FAM234A: variants seen among roughly 807,000 people sequenced by gnomAD.
FAM234A encodes the protein family with sequence similarity 234 member A.
FAM234A carries 42 observed loss-of-function variants against 49.1 expected under a neutral mutation model. That is an observed-to-expected ratio of 0.86 (90% CI 0.67 to 1.11). The LOEUF (loss-of-function observed/expected upper bound fraction) is 1.11. Ranked by LOEUF, FAM234A falls within the 50% of genes least tolerant of loss-of-function variation. The pLI is 0.00. For missense variants in FAM234A, 815 were observed against 745.2 expected (o/e 1.09, Z -1.09); for synonymous variants, 369 against 316.2 (o/e 1.17, Z -1.77).
At chr16:240,047 G>A (rs2050556924) in intron 1 of FAM234A, 1 of 152,194 alleles carries the variant, frequency 6.6e-6, no homozygotes, top group South Asian at 2.1e-4. Flanking sequence ...TTGCTCAGCT[G>A]AAACATCTGC....
chr16:266,296 A>T (rs142102767), downstream of FAM234A, among the ~76,000 whole-genome samples: 855 of 152,302 alleles, frequency 5.6e-3, 3 homozygotes, highest in African/African-American at 0.019. Context: ...CAATCTTGAC[A>T]TCCTCTGGGG....
downstream of FAM234A, among the ~76,000 whole-genome samples, chr16:267,651 A>G (rs2051730875): frequency 7.3e-6 from 1 of 137,880 alleles, no homozygotes; most frequent in African/African-American, 2.7e-5. Flanking sequence ...CGACACGTGC[A>G]CACACATATG....
chr16:264,931 G>A lies in FAM234A; in HGVS notation c.1568G>A (p.Ser523Asn). 6.2e-7 allele frequency: 1 copy of A among 1,613,032 alleles called. No individual in the cohort carries two copies. Among genetic ancestry groups the A allele is most frequent in the Non-Finnish European group, 8.5e-7 (1 of 1,179,850 alleles). ...AAGGTGCGGGACCTTGTCCCAAGCA[G>A]CAGGGTGGTCCGCCTGGGTGAGGGT... ...KHKVRDLVPS[S>N]RVVRLGEGGP... The change falls in exon 13 of 13, where the codon AGC becomes AAC. Residue 523 changes from serine (S) to asparagine (N), a missense_variant. Physicochemically the swap from Ser to Asn is conservative, Grantham distance 46. Transcript: ENST00000399932.
chr16:266,085 C>T lies in FAM234A; in HGVS notation c.*1063C>T. On this transcript the variant is annotated 3_prime_UTR_variant, in exon 13 of 13. Transcript: ENST00000399932. ...AGAAAGCAGAATAAACATTTTTGCA[C>T]TGCCTGAAAAACCCCGGTGGTCAGG... is the stretch of plus-strand genomic sequence containing the variant. 3.0e-6 allele frequency: 3 copies of T among 985,896 alleles called. No individual in the cohort carries two copies. The highest frequency in any genetic ancestry group is 3.6e-6 in the Non-Finnish European group (3 of 829,958). 61.1% of individuals were successfully genotyped at this position (985,896 alleles called of 1,614,324 possible). A position where few individuals can be genotyped will look rare whatever the true frequency, so the allele number is the denominator to read the frequency against.
At chr16:241,804 C>T (rs2050626076) in intron 1 of FAM234A, among the ~76,000 whole-genome samples, 1 of 150,526 alleles carries the variant, frequency 6.6e-6, no homozygotes, top group Non-Finnish European at 1.5e-5. Context: ...GTAGTCCCAG[C>T]TACTGGGGAG....
intron 1 of FAM234A, among the ~76,000 whole-genome samples, chr16:239,655 TTGCAGGAAATC>T (rs2050543940): frequency 1.3e-5 from 2 of 150,484 alleles, no homozygotes; most frequent in Admixed American, 1.3e-4. Flanking sequence ...TGTGGGGGAG[TTGCAGGAAATC>T]TGCCTTGGAA....
intron 1 of FAM234A, chr16:240,038 T>C (rs1175775155): frequency 6.6e-6 from 1 of 152,250 alleles, no homozygotes; most frequent in African/African-American, 2.4e-5. Context: ...ACATCTGCTT[T>C]GCTCAGCTGA....
At chr16:250,259 A>T (rs2050954865) in intron 2 of FAM234A, among the ~76,000 whole-genome samples, 1 of 152,134 alleles carries the variant, frequency 6.6e-6, no homozygotes, top group Non-Finnish European at 1.5e-5. Flanking sequence ...CATTTCACAC[A>T]TCCCTTCCTT....
intron 1 of FAM234A, among the ~76,000 whole-genome samples, chr16:244,679 C>A (rs1006722580): frequency 6.9e-6 from 1 of 144,388 alleles, no homozygotes; most frequent in African/African-American, 2.6e-5. Flanking sequence ...TGAATGGTAA[C>A]CTCTTTTTTT....
intron 12 of FAM234A, 26 bp downstream of exon 12, chr16:264,742 C>G (rs372291643): frequency 1.2e-6 from 2 of 1,607,948 alleles, no homozygotes; most frequent in South Asian, 2.2e-5. Context: ...GCCAGGGACC[C>G]GGGTGTTCCG....
chr16:268,902 G>T (rs751213654), downstream of FAM234A: 1 of 1,550,524 alleles, frequency 6.4e-7, no homozygotes, highest in East Asian at 2.4e-5. Context: ...CCGGGTATTC[G>T]CTGGCTGATT....
downstream of FAM234A, among the ~76,000 whole-genome samples, chr16:266,397 G>A (rs908216783): frequency 5.3e-5 from 8 of 152,198 alleles, no homozygotes; most frequent in Non-Finnish European, 1.0e-4. Context: ...CGGTGGCCTC[G>A]GCACCGCGTG....
downstream of FAM234A, chr16:269,377 G>A: frequency 2.5e-6 from 4 of 1,602,010 alleles, no homozygotes; most frequent in South Asian, 1.1e-5. Flanking sequence ...ACGTAAACGG[G>A]AACACGCTGT....
At chr16:236,580 A>ACT (rs2050407341) in intron 1 of FAM234A, among the ~76,000 whole-genome samples, 1 of 144,696 alleles carries the variant, frequency 6.9e-6, no homozygotes, top group Non-Finnish European at 1.5e-5. Context: ...CCGAGATTGC[A>ACT]CCACTACGCT....
chr16:252,874 G>T (rs551500918), intron 2 of FAM234A, among the ~76,000 whole-genome samples: 1 of 152,088 alleles, frequency 6.6e-6, no homozygotes, highest in African/African-American at 2.4e-5. Flanking sequence ...GCTGACCTCC[G>T]CACGCCCTCT....
chr16:246,670 T>C (rs548790427), intron 1 of FAM234A, among the ~76,000 whole-genome samples: 10 of 151,574 alleles, frequency 6.6e-5, no homozygotes, highest in African/African-American at 1.9e-4. Context: ...CCGCCCGCTT[T>C]GGCCTCCTAA....
downstream of FAM234A, chr16:266,168 A>T (rs2051688170): frequency 1.1e-6 from 1 of 902,014 alleles, no homozygotes; most frequent in African/African-American, 1.8e-5. Flanking sequence ...AGTCAAATGG[A>T]TTTGTTCCTG....
At chr16:253,600 A>C (rs2051105765) in intron 2 of FAM234A, among the ~76,000 whole-genome samples, 1 of 151,634 alleles carries the variant, frequency 6.6e-6, no homozygotes, top group Non-Finnish European at 1.5e-5. Flanking sequence ...TCAGCCTCCC[A>C]AGTAGCTGGG....
Position 254,787 on chromosome 16 carries a change from A to C in FAM234A, c.268+106A>C, listed in dbSNP as rs116489336. On this transcript the variant is annotated intron_variant, in intron 3 of 12. Coordinates refer to ENST00000399932, the MANE Select transcript of FAM234A (RefSeq NM_032039.4). ...GCGAGTCTAGAAGTGGCCTTTAAAC[A>C]GTGAATCAATCCCAAGAGGCTGCCA... The C allele has an allele frequency of 8.2e-4, 982 of 1,192,758 alleles. 2 individuals are homozygous for C. The African/African-American group carries it at 0.013, about 16-fold the overall frequency. 73.9% of individuals were successfully genotyped at this position (1,192,758 alleles called of 1,614,324 possible).
Sources: allele counts gnomAD v4.1 joint callset (sites outside exome capture counted in the v4.1 genomes callset), GRCh38; gene constraint gnomAD v4.1.1; transcripts MANE v1.5; gene names NCBI Gene and HGNC (gene_info 2026-07-23, HGNC 2026-07-21).